Variants in LARGE1 observed in about 807,000 individuals in gnomAD.
LARGE1 encodes the protein LARGE xylosyl- and glucuronyltransferase 1.
LARGE1 carries 43 observed loss-of-function variants against 87.6 expected under a neutral mutation model. The ratio of observed to expected loss-of-function variants is 0.49; its 90% CI spans 0.38 to 0.63. The LOEUF is 0.63. Among genes scored for constraint, LARGE1 ranks in the 30% least tolerant of loss-of-function variants. The pLI is 0.00. For synonymous variants in LARGE1, 434 were observed against 394.6 expected, an observed-to-expected ratio of 1.10 and a Z score of -1.18; for missense variants, 802 against 1,000.2, an observed-to-expected ratio of 0.80 and a Z score of 2.67.
At chr22:33,370,076 G>T (rs5994724) in intron 9 of LARGE1, among the ~76,000 whole-genome samples, 7 of 152,278 alleles carry the variant, frequency 4.6e-5, no homozygotes, top group African/African-American at 1.7e-4. Context: ...GGATGCTAGA[G>T]CAGTTAACTA....
intron 2 of LARGE1, among the ~76,000 whole-genome samples, chr22:33,692,378 T>G (rs1315811277): frequency 4.6e-5 from 7 of 152,228 alleles, no homozygotes; most frequent in Non-Finnish European, 8.8e-5. Flanking sequence ...CAGCACGATC[T>G]TGGCTCACTG....
the LARGE1 span, among the ~76,000 whole-genome samples, chr22:33,112,696 T>C: frequency 6.6e-6 from 1 of 152,170 alleles, no homozygotes; most frequent in Non-Finnish European, 1.5e-5. Context: ...GGTGAGCTCT[T>C]CTGAGAGTTA....
At chr22:33,796,236 T>C (rs2085976990) in intron 1 of LARGE1, among the ~76,000 whole-genome samples, 1 of 152,218 alleles carries the variant, frequency 6.6e-6, no homozygotes, top group African/African-American at 2.4e-5. Flanking sequence ...TATACATCCA[T>C]ACACATACAT....
intron 2 of LARGE1, among the ~76,000 whole-genome samples, chr22:33,758,495 C>T (rs942942912): frequency 1.3e-5 from 2 of 152,210 alleles, no homozygotes; most frequent in East Asian, 3.8e-4. Context: ...CTACTAAATG[C>T]AGCTCGTGAT....
chr22:33,413,988 G>A (rs1487559528), intron 7 of LARGE1, among the ~76,000 whole-genome samples: 2 of 152,188 alleles, frequency 1.3e-5, no homozygotes, highest in African/African-American at 4.8e-5. Flanking sequence ...TGTGAATAAT[G>A]TTGGAATAAA....
intron 6 of LARGE1, among the ~76,000 whole-genome samples, chr22:33,506,883 AG>A (rs2070791051): frequency 1.3e-5 from 2 of 152,230 alleles, no homozygotes; most frequent in South Asian, 4.1e-4. Context: ...CCTGGGCGAC[AG>A]AGTTAGACTC....
chr22:33,373,700 T>G (rs1449606333), intron 9 of LARGE1, among the ~76,000 whole-genome samples: 1 of 152,122 alleles, frequency 6.6e-6, no homozygotes, highest in Admixed American at 6.5e-5. Flanking sequence ...TTATCTTGGG[T>G]ACGGTGGCTT....
intron 6 of LARGE1, among the ~76,000 whole-genome samples, chr22:33,471,513 C>A (rs1468124740): frequency 6.6e-6 from 1 of 152,146 alleles, no homozygotes; most frequent in East Asian, 1.9e-4. Context: ...ATGGTCTCTT[C>A]TCTCTCATCA....
intron 4 of LARGE1, among the ~76,000 whole-genome samples, chr22:33,613,695 G>T (rs2079505330): frequency 6.6e-6 from 1 of 152,176 alleles, no homozygotes; most frequent in African/African-American, 2.4e-5. Flanking sequence ...TGGAGTGTTT[G>T]TCTGGGACCT....
chr22:33,117,435 C>CTT, the LARGE1 span, among the ~76,000 whole-genome samples: 23 of 148,968 alleles, frequency 1.5e-4, no homozygotes, highest in African/African-American at 5.2e-4. Context: ...ACATTATTAA[C>CTT]TTTTTTTTTT....
chr22:33,626,182 A>G lies in LARGE1; in HGVS notation c.491+62T>C, dbSNP rs539930013. ...TTTTGCTCCTATTTAACCCTTCCCC[A>G]AGGAAATACACAGGCAGGCAGTGAC... On this transcript the variant is annotated intron_variant, in intron 4 of 14. Coordinates refer to ENST00000397394, the MANE Select transcript of LARGE1 (RefSeq NM_133642.5). 877 of 1,454,746 alleles carry G rather than the reference A, an allele frequency of 6.0e-4. 7 individuals carry two copies. Among genetic ancestry groups the G allele is most frequent in the South Asian group, 2.4e-3 (214 of 87,500 alleles). The allele number at this position is 1,454,746 out of a possible 1,614,324, so 90.1% of individuals were successfully genotyped here.
intron 9 of LARGE1, among the ~76,000 whole-genome samples, chr22:33,363,246 C>CCGTTTTCA (rs1462987113): frequency 6.7e-6 from 1 of 149,578 alleles, no homozygotes; most frequent in African/African-American, 2.5e-5. Context: ...CTGTATAAGT[C>CCGTTTTCA]CGTTTTCACG....
At chr22:33,327,659 G>C (rs771907026) in intron 10 of LARGE1, among the ~76,000 whole-genome samples, 28 of 152,250 alleles carry the variant, frequency 1.8e-4, no homozygotes, top group Non-Finnish European at 3.4e-4. Flanking sequence ...AGGCTCAAGT[G>C]ATCCTCCCAC....
chr22:33,574,668 G>A (rs536730579), intron 5 of LARGE1, among the ~76,000 whole-genome samples: 127 of 147,606 alleles, frequency 8.6e-4, no homozygotes, highest in South Asian at 2.3e-3. Flanking sequence ...GACAACGAAG[G>A]CACAGAGATA....
intron 6 of LARGE1, among the ~76,000 whole-genome samples, chr22:33,447,132 G>T (rs1421310151): frequency 6.6e-6 from 1 of 152,174 alleles, no homozygotes; most frequent in African/African-American, 2.4e-5. Flanking sequence ...GACCTCAGGT[G>T]ATCCACCCGT....
intron 5 of LARGE1, among the ~76,000 whole-genome samples, chr22:33,583,623 T>G (rs921958464): frequency 1.3e-5 from 2 of 152,220 alleles, no homozygotes; most frequent in African/African-American, 2.4e-5. Context: ...CTTCTGCCCC[T>G]GAGCCCACTG....
At chr22:33,619,353 G>A (rs1319848983) in intron 4 of LARGE1, among the ~76,000 whole-genome samples, 4 of 151,970 alleles carry the variant, frequency 2.6e-5, no homozygotes, top group Admixed American at 6.6e-5. Context: ...TCAGGAGTTC[G>A]AGACCAGCCT....
chr22:33,443,822 A>G (rs1438968087), intron 6 of LARGE1, among the ~76,000 whole-genome samples: 1 of 152,228 alleles, frequency 6.6e-6, no homozygotes. Flanking sequence ...AGGAACACAG[A>G]GCTGCTAGGC....
At chr22:33,390,746 G>A (rs2065488051) in intron 7 of LARGE1, among the ~76,000 whole-genome samples, 1 of 150,566 alleles carries the variant, frequency 6.6e-6, no homozygotes, top group African/African-American at 2.4e-5. Flanking sequence ...CTGGAGTGCA[G>A]TGAGTGGCAC....
Sources: allele counts gnomAD v4.1 joint callset (sites outside exome capture counted in the v4.1 genomes callset), GRCh38; gene constraint gnomAD v4.1.1; transcripts MANE v1.5; gene names NCBI Gene and HGNC (gene_info 2026-07-23, HGNC 2026-07-21).